Variants in XIRP2 observed in about 807,000 individuals in gnomAD.
The protein encoded by XIRP2 is xin actin binding repeat containing 2.
Under a neutral mutation model 277.0 loss-of-function variants are expected in XIRP2, and 236 were observed. The ratio of observed to expected loss-of-function variants is 0.85; its 90% confidence interval spans 0.77 to 0.95. XIRP2 has a LOEUF of 0.95. XIRP2 is among the 40% of genes least tolerant of loss of function. XIRP2 has a pLI of 0.00. For missense variants in XIRP2, 4,640 were observed against 4,157.5 expected (o/e 1.12, Z -3.19); for synonymous variants, 1,490 against 1,416.5 (o/e 1.05, Z -1.17).
chr2:167,227,864 C>A (rs1365590939), intron 5 of XIRP2, among the ~76,000 whole-genome samples: 4 of 151,946 alleles, frequency 2.6e-5, no homozygotes, highest in African/African-American at 9.7e-5. Flanking sequence ...AAGACTGAAA[C>A]TTTACTTCAT....
intron 2 of XIRP2, among the ~76,000 whole-genome samples, chr2:166,918,155 G>T (rs1054430235): frequency 2.0e-5 from 3 of 152,186 alleles, no homozygotes; most frequent in African/African-American, 7.2e-5. Flanking sequence ...CTTAGGTGAG[G>T]TAATTTCTTC....
chr2:167,183,161 G>A lies in XIRP2; in HGVS notation c.563-27574G>A, dbSNP rs552504162. On this transcript the variant is annotated intron_variant, in intron 3 of 10. Transcript: ENST00000409195. ...TTAGCAGTAGAAGGGCTTTGTATAT[G>A]TTAGGGGCTCTGTTTTGCTAAATAT... is the stretch of plus-strand genomic sequence containing the variant. 3.9e-5 allele frequency among the ~76,000 whole-genome samples: 6 copies of A among 152,302 alleles called. No individual in the cohort carries two copies. In the East Asian group the frequency reaches 1.2e-3, roughly 29 times the overall value.
Position 167,250,521 on chromosome 2 carries a change from A to T in XIRP2, c.9129A>T (p.Gly3043=). The part of the protein sequence containing the change: ...AMMSSKTGKP[G]NKPTSLDETS... ...TGTCCTCCAAAACAGGAAAACCGGGAAATAAACCCACTAGTCTTGATGAAA... is the reference window on the plus strand; with the variant it reads ...TGTCCTCCAAAACAGGAAAACCGGGTAATAAACCCACTAGTCTTGATGAAA... Residue 3043 remains glycine, a synonymous_variant, in exon 9 of 11, where the codon GGA becomes GGT. Transcript: ENST00000409195. 1 of 1,613,650 alleles carries T rather than the reference A, an allele frequency of 6.2e-7. No individual in the cohort carries two copies.
chr2:167,223,567 A>C (rs1346569122), intron 5 of XIRP2, among the ~76,000 whole-genome samples: 2 of 152,190 alleles, frequency 1.3e-5, no homozygotes, highest in Non-Finnish European at 2.9e-5. Flanking sequence ...TAGACTCTTT[A>C]AAGGTGACCT....
intron 2 of XIRP2, among the ~76,000 whole-genome samples, chr2:166,988,174 T>C (rs1245097411): frequency 6.6e-6 from 1 of 152,170 alleles, no homozygotes; most frequent in Non-Finnish European, 1.5e-5. Flanking sequence ...CACCCCCTAC[T>C]CTAATGCACT....
intron 3 of XIRP2, among the ~76,000 whole-genome samples, chr2:167,153,759 T>C (rs891280637): frequency 2.6e-5 from 4 of 151,540 alleles, no homozygotes; most frequent in African/African-American, 7.3e-5. Flanking sequence ...TATGGCTGCA[T>C]AGTATTCCAT....
At chr2:166,976,125 T>C (rs1686711915) in intron 2 of XIRP2, among the ~76,000 whole-genome samples, 1 of 152,104 alleles carries the variant, frequency 6.6e-6, no homozygotes, top group Admixed American at 6.5e-5. Flanking sequence ...GCTTTCTATC[T>C]AAATATCCAG....
At position 167,245,251 on chromosome 2, in the gene XIRP2, A is replaced by T. The variant is rs1292996002; in HGVS notation, c.3859A>T (p.Ile1287Phe). ...FIFETFSLDE[I>F]KEESDYISTK... ...TTTTGAGACTTTTTCTTTAGATGAG[A>T]TTAAAGAAGAATCTGACTATATCAG... Residue 1287 changes from isoleucine (I) to phenylalanine (F), a missense_variant, in exon 9 of 11, where the codon ATT becomes TTT. Transcript: ENST00000409195. 6.2e-7 allele frequency: 1 copy of T among 1,613,670 alleles called. No individual in the cohort carries two copies. The highest frequency in any genetic ancestry group is 2.2e-5 in the East Asian group (1 of 44,838).
rs185163606 is a variant in XIRP2, at chr2:166,889,943, G to A, written c.-19+1386G>A. On this transcript the variant is annotated intron_variant, in intron 1 of 10. Transcript: ENST00000409195. ...AATGAATGGTGTTGTGTCTTCTCCA[G>A]TTCATTAATATTTCTGTTGATGTAG... is the stretch of plus-strand genomic sequence containing the variant. 3 of 105,908 alleles carry A rather than the reference G, an allele frequency of 2.8e-5. No individual in the cohort carries two copies. In the Admixed American group the frequency reaches 3.2e-4, roughly 11 times the overall value. 6.6% of individuals were successfully genotyped at this position (105,908 alleles called of 1,614,324 possible). A position where few individuals can be genotyped will look rare whatever the true frequency, so the allele number is the denominator to read the frequency against.
rs1695710399 is a variant in XIRP2 at position 167,257,994 on chromosome 2, G to A, written c.*177G>A. On this transcript the variant is annotated 3_prime_UTR_variant, in exon 11 of 11. Coordinates refer to ENST00000409195, the MANE Select transcript of XIRP2 (RefSeq NM_152381.6). ...GATAGATGGAACTGCAAAAACCAAAGCAGATCAGTGGACTTTATTCCTAAT... is the reference window on the plus strand; with the variant it reads ...GATAGATGGAACTGCAAAAACCAAAACAGATCAGTGGACTTTATTCCTAAT... The A allele has an allele frequency of 3.1e-6, 5 of 1,613,138 alleles. No homozygotes were observed. Among genetic ancestry groups the A allele is most frequent in the Non-Finnish European group, 4.2e-6 (5 of 1,179,448 alleles).
chr2:167,174,503 C>G (rs1027723547), intron 3 of XIRP2, among the ~76,000 whole-genome samples: 1 of 152,072 alleles, frequency 6.6e-6, no homozygotes, highest in Non-Finnish European at 1.5e-5. Context: ...ATTCTTCTCT[C>G]TTTTCTTCTT....
At chr2:167,107,542 A>C (rs1383732380) in intron 2 of XIRP2, among the ~76,000 whole-genome samples, 1 of 151,688 alleles carries the variant, frequency 6.6e-6, no homozygotes, top group South Asian at 2.1e-4. Context: ...GCTTCTCTAT[A>C]ATAAGTCTTA....
chr2:167,061,238 G>A (rs985912245), intron 2 of XIRP2, among the ~76,000 whole-genome samples: 2 of 152,154 alleles, frequency 1.3e-5, no homozygotes, highest in African/African-American at 2.4e-5. Flanking sequence ...ATTAGCTCTA[G>A]TAGCTATTTT....
In XIRP2 at chr2:167,251,584, C is replaced by T. The variant is rs115533384; in HGVS notation, c.10192C>T (p.Arg3398Ter). 7.4e-5 allele frequency: 119 copies of T among 1,613,516 alleles called. No individual in the cohort carries two copies. The highest frequency in any genetic ancestry group is 9.6e-5 in the Non-Finnish European group (113 of 1,179,640). The change falls in exon 9 of 11, where the codon CGA (arginine) becomes TGA (stop). Residue 3398 changes from arginine (R) to a stop codon, truncating the protein, a stop_gained. Transcript: ENST00000409195. LOFTEE classifies it high-confidence loss of function. ...TTCTTGCAAACATCCTAGAGAACTG[C>T]GAGAAAAGATTCCTGTTAAGCAGCC... ...DFSCKHPREL[R>*]EKIPVKQPRI...
chr2:167,122,497 C>T (rs1025000040), intron 2 of XIRP2, among the ~76,000 whole-genome samples: 7 of 152,236 alleles, frequency 4.6e-5, no homozygotes, highest in South Asian at 2.1e-4. Context: ...TGAATGGTGA[C>T]GTCGTTTCCA....
intron 5 of XIRP2, among the ~76,000 whole-genome samples, chr2:167,224,372 C>A (rs1694527745): frequency 6.6e-6 from 1 of 151,958 alleles, no homozygotes; most frequent in Non-Finnish European, 1.5e-5. Flanking sequence ...TAGTTGGGAC[C>A]ACAGGCATAT....
intron 5 of XIRP2, among the ~76,000 whole-genome samples, chr2:167,230,986 T>C (rs192819303): frequency 1.3e-5 from 2 of 152,228 alleles, no homozygotes; most frequent in Admixed American, 1.3e-4. Context: ...ACTCCCCTAG[T>C]TGCTCGTAGA....
intron 2 of XIRP2, among the ~76,000 whole-genome samples, chr2:167,040,941 C>T (rs1005819039): frequency 6.6e-6 from 1 of 152,194 alleles, no homozygotes; most frequent in African/African-American, 2.4e-5. Flanking sequence ...CTGTCCATGC[C>T]CACACATGCA....
intron 3 of XIRP2, among the ~76,000 whole-genome samples, chr2:167,141,129 T>C (rs1691705196): frequency 6.6e-6 from 1 of 152,176 alleles, no homozygotes; most frequent in Non-Finnish European, 1.5e-5. Flanking sequence ...TAACAACAAA[T>C]TTAAGTATAC....
Sources: gnomAD v4.1 joint callset for allele counts (sites outside exome capture counted in the v4.1 genomes callset) on GRCh38, gnomAD v4.1.1 for gene constraint, MANE v1.5 for transcripts, NCBI Gene and HGNC (gene_info 2026-07-23, HGNC 2026-07-21) for gene names.